The following SOX5 variants were observed in gnomAD, a reference collection of about 807,000 sequenced individuals.
SOX5 encodes the protein SRY-box transcription factor 5, also known as transcription factor SOX-5.
SOX5 carries 9 observed loss-of-function variants against 92.0 expected under a neutral mutation model. The observed-to-expected ratio is 0.10, with a 90% CI of 0.06 to 0.17. SOX5 has a LOEUF of 0.17. SOX5 is among the 10% of genes least tolerant of loss of function. SOX5 has a pLI of 1.00. For synonymous variants in SOX5, 344 were observed against 336.3 expected, an observed-to-expected ratio of 1.02 and a Z score of -0.25; for missense variants, 642 against 944.5, an observed-to-expected ratio of 0.68 and a Z score of 4.20.
At chr12:24,308,210 C>T (rs1424076161) in intron 2 of SOX5, among the ~76,000 whole-genome samples, 1 of 152,146 alleles carries the variant, frequency 6.6e-6, no homozygotes, top group Non-Finnish European at 1.5e-5. Flanking sequence ...CTCCAGTGAA[C>T]ACACTGCTCC....
intron 2 of SOX5, among the ~76,000 whole-genome samples, chr12:24,339,163 C>CCACACACACACA (rs56243419): frequency 0.014 from 2,014 of 140,418 alleles, 29 homozygotes; most frequent in African/African-American, 0.017. Flanking sequence ...TCTCTCTCTG[C>CCACACACACACA]CACACACACA....
chr12:23,707,395 C>A (rs1442918454), intron 6 of SOX5, among the ~76,000 whole-genome samples: 1 of 152,070 alleles, frequency 6.6e-6, no homozygotes, highest in Non-Finnish European at 1.5e-5. Flanking sequence ...TTAGTCTTGG[C>A]CATCCTGAGT....
intron 9 of SOX5, among the ~76,000 whole-genome samples, chr12:23,594,005 T>C (rs1171944209): frequency 6.6e-6 from 1 of 152,196 alleles, no homozygotes; most frequent in Non-Finnish European, 1.5e-5. Flanking sequence ...AAAACTCTTA[T>C]GAGCACTAGT....
chr12:23,635,008 T>C lies in SOX5; in HGVS notation c.1017+5804A>G, dbSNP rs183544746. 5.3e-4 allele frequency among the ~76,000 whole-genome samples: 81 copies of C among 152,274 alleles called. 1 individual carries two copies. Among genetic ancestry groups the C allele is most frequent in the Non-Finnish European group, 8.5e-4 (58 of 68,018 alleles). On this transcript the variant is annotated intron_variant, in intron 8 of 14. Transcript: ENST00000451604. ...GTTAAGTGCAAATGATGGTAAACCA[T>C]TGATGCTACAGACTTTACCATCTGG...
intron 4 of SOX5, among the ~76,000 whole-genome samples, chr12:23,978,007 A>G (rs1383550674): frequency 1.3e-5 from 2 of 152,242 alleles, no homozygotes; most frequent in Non-Finnish European, 2.9e-5. Context: ...AGTTTGGGAC[A>G]GCTTGCACAC....
chr12:23,770,287 C>T lies in SOX5; in HGVS notation c.482-14563G>A, dbSNP rs186532638. Among the ~76,000 whole-genome samples, 29 of 152,012 alleles carry T rather than the reference C, an allele frequency of 1.9e-4. No individual in the cohort carries two copies. In the East Asian group the frequency reaches 5.2e-3, roughly 27 times the overall value. On this transcript the variant is annotated intron_variant, in intron 3 of 14. Transcript: ENST00000451604. ...GATATTTAGGCTCACCCCCATTACC[C>T]CACCCACCCAACGCAGAGGACTACT...
chr12:23,898,389 T>C (rs984460403), intron 1 of SOX5, among the ~76,000 whole-genome samples: 17 of 152,298 alleles, frequency 1.1e-4, no homozygotes, highest in Admixed American at 6.5e-4. Flanking sequence ...CTAAAAACTC[T>C]AGTCTATTGA....
chr12:23,785,154 A>T (rs1443351921), intron 3 of SOX5, among the ~76,000 whole-genome samples: 1 of 152,216 alleles, frequency 6.6e-6, no homozygotes, highest in Non-Finnish European at 1.5e-5. Context: ...CACAACTGAC[A>T]AGTGTTCTTG....
chr12:24,376,689 C>CTTTTTTTTT lies in SOX5; in HGVS notation c.-250-8051_-250-8050insAAAAAAAAA, dbSNP rs1480014070. On this transcript the variant is annotated intron_variant, in intron 1 of 4. Coordinates refer to the SOX5 transcript ENST00000446891. The stretch of plus-strand genomic sequence containing the variant: ...TCAGAATGATGCTATGGGAGAGATA[C>CTTTTTTTTT]CTTTTTTTTTTTTTTTTTTTTTTTT... Among the ~76,000 whole-genome samples, 27 of 93,108 alleles carry CTTTTTTTTT rather than the reference C, an allele frequency of 2.9e-4. 5 individuals carry two copies. The highest frequency in any genetic ancestry group is 7.6e-3 in the Middle Eastern group (1 of 132). The allele number at this position is 93,108 out of a possible 152,430, so 61.1% of individuals were successfully genotyped here. A position where few individuals can be genotyped will look rare whatever the true frequency, so the allele number is the denominator to read the frequency against.
intron 6 of SOX5, among the ~76,000 whole-genome samples, chr12:23,710,658 G>C (rs1255125205): frequency 6.6e-6 from 1 of 152,136 alleles, no homozygotes; most frequent in Non-Finnish European, 1.5e-5. Context: ...CATTTGGGTT[G>C]GTTCCAAGTC....
rs532015653 is a variant in SOX5, at chr12:23,623,029, C to G, written c.1017+17783G>C. Among the ~76,000 whole-genome samples, 5 of 152,150 alleles carry G rather than the reference C, an allele frequency of 3.3e-5. No homozygotes were observed. In the East Asian group the frequency reaches 9.7e-4, roughly 29 times the overall value. ...GATTCAAGGGTAGTAATGAGAAAAA[C>G]AACATGGTGAAACTTTTAAACCATA... is the stretch of plus-strand genomic sequence containing the variant. On this transcript the variant is annotated intron_variant, in intron 8 of 14. Coordinates refer to ENST00000451604, the MANE Select transcript of SOX5 (RefSeq NM_006940.6).
At chr12:23,746,543 G>C (rs1264128577) in intron 4 of SOX5, among the ~76,000 whole-genome samples, 1 of 152,110 alleles carries the variant, frequency 6.6e-6, no homozygotes, top group African/African-American at 2.4e-5. Flanking sequence ...TGCTAGTCCT[G>C]TTCCAGTCCC....
intron 8 of SOX5, among the ~76,000 whole-genome samples, chr12:23,637,060 G>A (rs2079353515): frequency 6.6e-6 from 1 of 152,030 alleles, no homozygotes; most frequent in South Asian, 2.1e-4. Context: ...CAGTTGTTAC[G>A]GCACTTTACA....
intron 9 of SOX5, among the ~76,000 whole-genome samples, chr12:23,579,375 T>C (rs576053397): frequency 6.1e-4 from 93 of 152,194 alleles, no homozygotes; most frequent in Non-Finnish European, 1.1e-3. Context: ...GCTAATGGTA[T>C]ATTAATAAGA....
At chr12:24,397,382 T>G (rs1046705809) in intron 1 of SOX5, among the ~76,000 whole-genome samples, 2 of 152,216 alleles carry the variant, frequency 1.3e-5, no homozygotes, top group African/African-American at 4.8e-5. Flanking sequence ...CCTGAGAAAG[T>G]AGAAATTCTT....
chr12:24,010,542 T>C lies in SOX5; in HGVS notation c.-1-114518A>G, dbSNP rs527938634. Among the ~76,000 whole-genome samples the C allele has an allele frequency of 7.2e-5, 11 of 152,318 alleles. No homozygotes were observed. The South Asian group carries it at 2.3e-3, about 32-fold the overall frequency. On this transcript the variant is annotated intron_variant, in intron 4 of 4. Transcript: ENST00000446891. ...CTAAACCAAAGGAACACAATCATAA[T>C]CCAGGGCCAAGGAAGAAAGATAATT...
In SOX5 at chr12:24,399,750, C is replaced by T. The variant is rs544640535; in HGVS notation, c.-250-31111G>A. On this transcript the variant is annotated intron_variant, in intron 1 of 4. Transcript: ENST00000446891. ...AGAGCCATGGAAACATTAATAAATG[C>T]GGAAACAATTCCAAAATTTAATTTT... Among the ~76,000 whole-genome samples the T allele has an allele frequency of 2.1e-3, 326 of 152,246 alleles. 1 individual carries two copies. The highest frequency in any genetic ancestry group is 3.9e-3 in the Non-Finnish European group (264 of 67,998).
intron 4 of SOX5, among the ~76,000 whole-genome samples, chr12:23,969,111 A>G (rs1697468852): frequency 6.6e-6 from 1 of 152,124 alleles, no homozygotes; most frequent in South Asian, 2.1e-4. Flanking sequence ...AAAAACCTAC[A>G]AGTCATTTAT....
intron 4 of SOX5, among the ~76,000 whole-genome samples, chr12:24,140,574 T>C (rs1279305026): frequency 6.6e-6 from 1 of 152,174 alleles, no homozygotes; most frequent in African/African-American, 2.4e-5. Flanking sequence ...AGATGTTTTA[T>C]ACATATTCAG....
Sources: allele counts gnomAD v4.1 joint callset (sites outside exome capture counted in the v4.1 genomes callset), GRCh38; gene constraint gnomAD v4.1.1; transcripts MANE v1.5; gene names NCBI Gene and HGNC (gene_info 2026-07-23, HGNC 2026-07-21).